The following SEPTIN4 variants were observed in gnomAD, a reference collection of about 807,000 sequenced individuals.
The protein encoded by SEPTIN4 is septin 4, also known as septin-4.
Under a neutral mutation model 107.1 loss-of-function variants are expected in SEPTIN4, and 52 were observed. That is an observed-to-expected ratio of 0.49 (90% CI 0.39 to 0.61). The LOEUF is 0.61. Ranked by LOEUF, SEPTIN4 falls within the 20% of genes least tolerant of loss-of-function variation. SEPTIN4 has a pLI of 0.00. For synonymous variants in SEPTIN4, 417 were observed against 467.0 expected (o/e 0.89, Z 1.38); for missense variants, 1,048 against 1,243.5 (o/e 0.84, Z 2.36).
chr17:58,541,847 A>G (rs201771232), intron 2 of SEPTIN4, 75 bp downstream of exon 2: 1 of 1,614,170 alleles, frequency 6.2e-7, no homozygotes, highest in Non-Finnish European at 8.5e-7. Context: ...CTGTAGATAC[A>G]TAGATGCCAC....
intron 12 of SEPTIN4, 39 bp from the exon 13 acceptor site, chr17:58,520,881 C>T (rs756000096): frequency 1.2e-6 from 2 of 1,613,840 alleles, no homozygotes; most frequent in Non-Finnish European, 1.7e-6. Context: ...AGGAGGACCC[C>T]AGCACCCGCT....
chr17:58,525,305 A>G, intron 6 of SEPTIN4, 104 bp from the exon 7 acceptor site: 1 of 1,399,506 alleles, frequency 7.1e-7, no homozygotes, highest in Non-Finnish European at 9.8e-7. Context: ...CCTAATCCAC[A>G]CTGCCCCCTT....
intron 3 of SEPTIN4, among the ~76,000 whole-genome samples, chr17:58,536,409 A>C (rs2043712348): frequency 1.3e-5 from 2 of 152,330 alleles, no homozygotes; most frequent in African/African-American, 4.8e-5. Context: ...ATAGGTGTAG[A>C]GAGATGGGAG....
chr17:58,526,285 G>A lies in SEPTIN4; in HGVS notation c.1940C>T (p.Thr647Ile), dbSNP rs1261517884. The part of the protein sequence containing the change: ...EDDKEYVGFA[T>I]LPNQVHRKSV... Reference sequence around the variant, plus strand: ...CTTTCGGTGGACTTGGTTGGGGAGGGTTGCAAAGCCCACATACTCCTTGTC... The same window carrying A: ...CTTTCGGTGGACTTGGTTGGGGAGGATTGCAAAGCCCACATACTCCTTGTC... The change falls in exon 5 of 14, where the codon ACC becomes ATC. Residue 647 changes from threonine (T) to isoleucine (I), a missense_variant. Thr to Ile is a moderately conservative substitution (Grantham distance 89, BLOSUM62 -1). This residue lies in a region of SEPTIN4 where 787 missense variants were observed against 871.8 expected (regional missense o/e 0.90). Coordinates refer to ENST00000672673, the MANE Select transcript of SEPTIN4 (RefSeq NM_001368771.2). The A allele has an allele frequency of 1.2e-6, 2 of 1,602,636 alleles. No homozygotes were observed. The highest frequency in any genetic ancestry group is 1.7e-5 in the Admixed American group (1 of 58,280).
chr17:58,542,194 T>A (rs1184494067), intron 1 of SEPTIN4, among the ~76,000 whole-genome samples: 1 of 152,150 alleles, frequency 6.6e-6, no homozygotes, highest in African/African-American at 2.4e-5. Context: ...GCCTTTCCCC[T>A]CCTGGAATCC....
In SEPTIN4 at chr17:58,521,712, C is replaced by G; in HGVS notation, c.2469+24G>C. ...TCCTTTCTAGAAGCCCACCTGATCC[C>G]CTCCCACCACCAGCTTCCCTCACTT... On this transcript the variant is annotated intron_variant, in intron 9 of 13. Coordinates refer to ENST00000672673, the MANE Select transcript of SEPTIN4 (RefSeq NM_001368771.2). This position sits in a 1 kb window ranked among gnomAD's most constrained non-coding sequence, Gnocchi z 6.4. The G allele has an allele frequency of 1.9e-6, 3 of 1,614,230 alleles. No individual in the cohort carries two copies. Among genetic ancestry groups the G allele is most frequent in the Non-Finnish European group, 2.5e-6 (3 of 1,180,040 alleles).
chr17:58,539,134 A>T, intron 3 of SEPTIN4: 1 of 1,534,056 alleles, frequency 6.5e-7, no homozygotes, highest in South Asian at 1.2e-5. Context: ...AGAGAAGACC[A>T]GCAGCCCAGC....
rs1328186772 is a variant in SEPTIN4, at chr17:58,541,919, G to C, written c.1606+3C>G. 2 of 1,614,056 alleles carry C rather than the reference G, an allele frequency of 1.2e-6. No homozygotes were observed. The highest frequency in any genetic ancestry group is 1.7e-6 in the Non-Finnish European group (2 of 1,179,994). The stretch of plus-strand genomic sequence containing the variant: ...TGGGCCCATAGGAGGGAAAAGCACA[G>C]ACCTTTTAGCCACCAGATGACACGA... On this transcript the variant is annotated splice_donor_region_variant and intron_variant, in intron 2 of 13. Coordinates refer to ENST00000672673, the MANE Select transcript of SEPTIN4 (RefSeq NM_001368771.2).
Position 58,525,689 on chromosome 17 carries a change from C to T in SEPTIN4, c.2092+6G>A. 1 of 1,613,080 alleles carries T rather than the reference C, an allele frequency of 6.2e-7. No homozygotes were observed. Among genetic ancestry groups the T allele is most frequent in the Non-Finnish European group, 8.5e-7 (1 of 1,179,040 alleles). On this transcript the variant is annotated splice_donor_region_variant and intron_variant, in intron 6 of 13. Coordinates refer to ENST00000672673, the MANE Select transcript of SEPTIN4 (RefSeq NM_001368771.2). Reference sequence around the variant, plus strand: ...AGTCTGCCTGATTGTCCTCTCCTTTCCTTACCTTCAGCACCAAGAAGTTTC... The same window carrying T: ...AGTCTGCCTGATTGTCCTCTCCTTTTCTTACCTTCAGCACCAAGAAGTTTC...
chr17:58,544,110 G>T lies in SEPTIN4; in HGVS notation c.77C>A (p.Ser26Tyr), dbSNP rs1410586979. 8 of 1,614,008 alleles carry T rather than the reference G, an allele frequency of 5.0e-6. No individual in the cohort carries two copies. The African/African-American group carries it at 1.1e-4, about 22-fold the overall frequency. The change falls in exon 1 of 14, where the codon TCC becomes TAC. Residue 26 changes from serine to tyrosine, a missense_variant. Physicochemically the swap from Ser to Tyr is moderately radical, Grantham distance 144. This residue lies in a region of SEPTIN4 where 787 missense variants were observed against 871.8 expected (regional missense o/e 0.90). Coordinates refer to ENST00000672673, the MANE Select transcript of SEPTIN4 (RefSeq NM_001368771.2). ...AACGTACCCATGTCCCTGCTGAGGG[G>T]ATGTGTTAGTAGTAACCTCAGACCC... ...QRGSEVTTNT[S>Y]PQQGHGYVLA...
chr17:58,521,938 G>A lies in SEPTIN4; in HGVS notation c.2351+29C>T, dbSNP rs781554560. On this transcript the variant is annotated intron_variant, in intron 8 of 13. Transcript: ENST00000672673. This position sits in a 1 kb window ranked among gnomAD's most constrained non-coding sequence, Gnocchi z 6.4. ...CCTGTTCCCTTGACAGCACCCGGTG[G>A]TGCCAGGAGCCTCAGGCTTGGACCA... 5 of 1,614,252 alleles carry A rather than the reference G, an allele frequency of 3.1e-6. No individual in the cohort carries two copies. Among genetic ancestry groups the A allele is most frequent in the East Asian group, 4.5e-5 (2 of 44,888 alleles).
chr17:58,537,017 A>G (rs2043735499), intron 3 of SEPTIN4, among the ~76,000 whole-genome samples: 1 of 152,252 alleles, frequency 6.6e-6, no homozygotes, highest in African/African-American at 2.4e-5. Context: ...CAGTCACCAC[A>G]CACCTTCTGA....
chr17:58,533,139 G>T (rs561110837), intron 3 of SEPTIN4, among the ~76,000 whole-genome samples: 2 of 152,322 alleles, frequency 1.3e-5, no homozygotes, highest in African/African-American at 4.8e-5. Flanking sequence ...AGCACTGGTT[G>T]GGACCAGTCA....
At chr17:58,529,271 G>A (rs1265037843) in intron 3 of SEPTIN4, 14 of 1,604,964 alleles carry the variant, frequency 8.7e-6, no homozygotes, top group Non-Finnish European at 1.2e-5. Flanking sequence ...TTTTGATGCT[G>A]TTGTTGTCTG....
Position 58,521,105 on chromosome 17 carries a change from G to C in SEPTIN4, c.2724C>G (p.Thr908=), listed in dbSNP as rs1420355293. 6.2e-7 allele frequency: 1 copy of C among 1,614,146 alleles called. No homozygotes were observed. The highest frequency in any genetic ancestry group is 8.5e-7 in the Non-Finnish European group (1 of 1,180,028). Reference sequence around the variant, plus strand: ...TCACATCCTTCAGGTCCTGCATGTGGGTACGTACCAGCATTGTCCTCAGCT... The same window carrying C: ...TCACATCCTTCAGGTCCTGCATGTGCGTACGTACCAGCATTGTCCTCAGCT... The part of the protein sequence containing the change: ...FVKLRTMLVR[T]HMQDLKDVTR... The change falls in exon 12 of 14, where the codon ACC becomes ACG. Residue 908 remains threonine (T), a synonymous_variant. Transcript: ENST00000672673. This position sits in a 1 kb window ranked among gnomAD's most constrained non-coding sequence, Gnocchi z 6.4.
At chr17:58,522,669 A>AAAG (rs1215464459) in intron 7 of SEPTIN4, among the ~76,000 whole-genome samples, 21 of 151,584 alleles carry the variant, frequency 1.4e-4, no homozygotes, top group East Asian at 1.4e-3. Context: ...AAAAAAAAAA[A>AAAG]AAGAAGAAGA....
chr17:58,525,267 A>G (rs1204722656), intron 6 of SEPTIN4, 66 bp from the exon 7 acceptor site: 32 of 1,588,576 alleles, frequency 2.0e-5, no homozygotes, highest in Non-Finnish European at 2.4e-5. Context: ...TGAACCGCCC[A>G]CCCCAACCAG....
At chr17:58,525,896 C>A in intron 5 of SEPTIN4, 115 bp from the exon 6 acceptor site, 2 of 950,888 alleles carry the variant, frequency 2.1e-6, no homozygotes, top group Admixed American at 2.3e-5. Context: ...TGGAACTAGA[C>A]TAACCAAACT....
chr17:58,521,938 G>T lies in SEPTIN4; in HGVS notation c.2351+29C>A. The stretch of plus-strand genomic sequence containing the variant: ...CCTGTTCCCTTGACAGCACCCGGTG[G>T]TGCCAGGAGCCTCAGGCTTGGACCA... On this transcript the variant is annotated intron_variant, in intron 8 of 13. Coordinates refer to ENST00000672673, the MANE Select transcript of SEPTIN4 (RefSeq NM_001368771.2). This position sits in a 1 kb window ranked among gnomAD's most constrained non-coding sequence, Gnocchi z 6.4. 3 of 1,614,252 alleles carry T rather than the reference G, an allele frequency of 1.9e-6. No individual in the cohort carries two copies. The highest frequency in any genetic ancestry group is 2.5e-6 in the Non-Finnish European group (3 of 1,180,044).
Sources: gnomAD v4.1 joint callset for allele counts (sites outside exome capture counted in the v4.1 genomes callset) on GRCh38, gnomAD v4.1.1 for gene constraint, gnomAD v4.1.1 regional missense constraint, Gnocchi (gnomAD v3.1) non-coding constraint, MANE v1.5 for transcripts, NCBI Gene and HGNC (gene_info 2026-07-23, HGNC 2026-07-21) for gene names.